ITGB1: variants seen among roughly 807,000 people sequenced by gnomAD.
ITGB1 encodes integrin beta-1.
In ITGB1, 24 loss-of-function variants were observed where a neutral mutation model predicts 86.5. The observed-to-expected ratio is 0.28, with a 90% CI of 0.20 to 0.39. The LOEUF (loss-of-function observed/expected upper bound fraction) is 0.39. ITGB1 is among the 10% of genes least tolerant of loss of function. The pLI is 1.00. For synonymous variants in ITGB1, 323 were observed against 316.8 expected (o/e 1.02, Z -0.21); for missense variants, 556 against 946.9 (o/e 0.59, Z 5.42).
In ITGB1 at chr10:32,911,540, G is replaced by A. The variant is rs2298139; in HGVS notation, c.1839C>T (p.Cys613=). 0.079 allele frequency: 127,809 copies of A among 1,613,836 alleles called. 7,066 individuals carry two copies. The highest frequency in any genetic ancestry group is 0.24 in the South Asian group (21,615 of 91,072). ...CTGTACACTTACAGACACCACACTC[G>A]CAGATGCCCCGGCCATTGCAGATCT... ...NGQICNGRGI[C]ECGVCKCTDP... Residue 613 remains cysteine (C), a synonymous_variant, in exon 13 of 16, where the codon TGC becomes TGT. Coordinates refer to ENST00000302278, the MANE Select transcript of ITGB1 (RefSeq NM_002211.4).
chr10:32,927,730 G>A lies in ITGB1; in HGVS notation c.547+364C>T, dbSNP rs549568079. Among the ~76,000 whole-genome samples, 5 of 151,820 alleles carry A rather than the reference G, an allele frequency of 3.3e-5. No individual in the cohort carries two copies. The East Asian group carries it at 7.8e-4, about 24-fold the overall frequency. ...AATCACTTGAACCCGGGAAGCGGAG[G>A]TTGCAGTGAGCCGAGATCACACCAC... is the stretch of plus-strand genomic sequence containing the variant. On this transcript the variant is annotated intron_variant, in intron 5 of 15. Transcript: ENST00000302278.
intron 9 of ITGB1, 127 bp from the exon 10 acceptor site, chr10:32,920,512 G>C (rs944586826): frequency 9.5e-6 from 7 of 737,918 alleles, no homozygotes; most frequent in Admixed American, 2.8e-5. Context: ...AAATCCAATT[G>C]AGTAACTAGA....
intron 11 of ITGB1, among the ~76,000 whole-genome samples, chr10:32,914,990 T>C (rs970826490): frequency 4.6e-5 from 7 of 152,210 alleles, no homozygotes; most frequent in African/African-American, 1.7e-4. Flanking sequence ...GCAATCAAGC[T>C]AGAACTCAAG....
intron 15 of ITGB1, chr10:32,907,123 CT>C (rs1401098038): frequency 7.5e-7 from 1 of 1,340,930 alleles, no homozygotes; most frequent in Non-Finnish European, 1.0e-6. Flanking sequence ...TAATAGGACT[CT>C]TGTAAATCGG....
At chr10:32,906,209 G>T (rs902034636) in intron 15 of ITGB1, among the ~76,000 whole-genome samples, 2 of 152,032 alleles carry the variant, frequency 1.3e-5, no homozygotes, top group African/African-American at 2.4e-5. Context: ...ATCATAGTAG[G>T]TTATATTTTT....
At chr10:32,916,781 G>T (rs2094933024) in intron 11 of ITGB1, among the ~76,000 whole-genome samples, 1 of 152,148 alleles carries the variant, frequency 6.6e-6, no homozygotes, top group African/African-American at 2.4e-5. Flanking sequence ...GTAATTTAGA[G>T]ATTCAATGCC....
In ITGB1 at chr10:32,911,780, T is replaced by C. The variant is rs2094914255; in HGVS notation, c.1708+106A>G. ...GAGAAAGTATACCTAGGGGCGAGAC[T>C]GACCCTCAAGCTACCCCTTTTCTAC... is the stretch of plus-strand genomic sequence containing the variant. On this transcript the variant is annotated intron_variant, in intron 12 of 15. Coordinates refer to ENST00000302278, the MANE Select transcript of ITGB1 (RefSeq NM_002211.4). 2.8e-6 allele frequency: 4 copies of C among 1,421,548 alleles called. No individual in the cohort carries two copies. In the South Asian group the frequency reaches 3.7e-5, roughly 13 times the overall value. The allele number at this position is 1,421,548 out of a possible 1,614,324, so 88.1% of individuals were successfully genotyped here.
At chr10:32,944,144 C>T (rs2095025633) in intron 1 of ITGB1, among the ~76,000 whole-genome samples, 1 of 152,230 alleles carries the variant, frequency 6.6e-6, no homozygotes, top group Admixed American at 6.5e-5. Context: ...CGACTGTTCC[C>T]AGCAGCACCA....
chr10:32,936,080 T>C (rs2095000782), intron 1 of ITGB1: 1 of 152,348 alleles, frequency 6.6e-6, no homozygotes, highest in Non-Finnish European at 1.5e-5. Context: ...AAGGCCAACA[T>C]CCTGCATAAG....
Position 32,910,436 on chromosome 10 carries a change from C to G in ITGB1, c.1951G>C (p.Ala651Pro). The part of the protein sequence containing the change: ...AEHKECVQCR[A>P]FNKGEKKDTC... Reference sequence around the variant, plus strand: ...TCTTTCTTTTCTCCTTTATTGAAGGCTCTGCACTGAACACATTCTCTGTTA... The same window carrying G: ...TCTTTCTTTTCTCCTTTATTGAAGGGTCTGCACTGAACACATTCTCTGTTA... Residue 651 changes from alanine to proline, a missense_variant, in exon 14 of 16, where the codon GCC (alanine) becomes CCC (proline). Physicochemically the swap from Ala to Pro is conservative, Grantham distance 27. Transcript: ENST00000302278. 1 of 1,581,504 alleles carries G rather than the reference C, an allele frequency of 6.3e-7. No individual in the cohort carries two copies. The highest frequency in any genetic ancestry group is 8.6e-7 in the Non-Finnish European group (1 of 1,158,078).
At chr10:32,938,369 A>G (rs1466793337) in intron 1 of ITGB1, among the ~76,000 whole-genome samples, 1 of 152,238 alleles carries the variant, frequency 6.6e-6, no homozygotes, top group Admixed American at 6.5e-5. Context: ...ATGGACAGAT[A>G]CATGTTTCTT....
chr10:32,927,575 T>C (rs903519211), intron 5 of ITGB1, among the ~76,000 whole-genome samples: 1 of 152,176 alleles, frequency 6.6e-6, no homozygotes, highest in East Asian at 1.9e-4. Flanking sequence ...CTGGATTACC[T>C]GAGGTCAGGA....
At chr10:32,934,730 T>C (rs2094995254) in intron 2 of ITGB1, among the ~76,000 whole-genome samples, 2 of 152,268 alleles carry the variant, frequency 1.3e-5, no homozygotes, top group Non-Finnish European at 2.9e-5. Flanking sequence ...TTTTTTGTTA[T>C]GTTCCTCAGT....
chr10:32,941,124 T>C (rs1565831698), intron 1 of ITGB1, among the ~76,000 whole-genome samples: 1 of 152,172 alleles, frequency 6.6e-6, no homozygotes, highest in East Asian at 1.9e-4. Flanking sequence ...ACATAGGAGA[T>C]GGGTGTGGAG....
At chr10:32,916,024 G>T (rs1455516020) in intron 11 of ITGB1, among the ~76,000 whole-genome samples, 1 of 152,164 alleles carries the variant, frequency 6.6e-6, no homozygotes, top group Non-Finnish European at 1.5e-5. Context: ...ATCAATAAAC[G>T]TAATCCATCA....
intron 11 of ITGB1, 33 bp downstream of exon 11, chr10:32,919,852 A>G: frequency 6.3e-7 from 1 of 1,584,622 alleles, no homozygotes; most frequent in East Asian, 2.2e-5. Flanking sequence ...AAACCAATGT[A>G]GCTCTGTCAC....
At chr10:32,926,433 G>A (rs1442394007) in intron 5 of ITGB1, among the ~76,000 whole-genome samples, 3 of 152,274 alleles carry the variant, frequency 2.0e-5, no homozygotes, top group South Asian at 4.1e-4. Context: ...CCTGGTGGAA[G>A]GTATTTCGAT....
rs575841975 is a variant in ITGB1, at chr10:32,920,577, T to G, written c.1129-192A>C. Among the ~76,000 whole-genome samples the G allele has an allele frequency of 3.6e-4, 55 of 152,254 alleles. No homozygotes were observed. In the South Asian group the frequency reaches 0.011, roughly 31 times the overall value. ...ATTAATAAGGATCAAATCTTTAAAA[T>G]AAAATACACAATTGAAAAGAGTATT... On this transcript the variant is annotated intron_variant, in intron 9 of 15. Transcript: ENST00000302278.
intron 1 of ITGB1, among the ~76,000 whole-genome samples, chr10:32,940,734 T>C (rs988844942): frequency 1.3e-5 from 2 of 152,236 alleles, no homozygotes; most frequent in Admixed American, 6.5e-5. Flanking sequence ...CGTTCATCAC[T>C]CATTCATTCA....
Sources: allele counts gnomAD v4.1 joint callset (sites outside exome capture counted in the v4.1 genomes callset), GRCh38; gene constraint gnomAD v4.1.1; transcripts MANE v1.5; gene names NCBI Gene and HGNC (gene_info 2026-07-23, HGNC 2026-07-21).